The following ERN1 variants were observed in gnomAD, a reference collection of about 807,000 sequenced individuals.
ERN1 encodes endoplasmic reticulum to nucleus signaling 1, also known as serine/threonine-protein kinase/endoribonuclease IRE1.
In ERN1, 39 loss-of-function variants were observed where a neutral mutation model predicts 113.1. That is an observed-to-expected ratio of 0.34 (90% CI 0.27 to 0.45). The LOEUF (loss-of-function observed/expected upper bound fraction) is 0.45, where lower values mean the gene tolerates loss of function less well. Ranked by LOEUF, ERN1 falls within the 20% of genes least tolerant of loss-of-function variation. The pLI, the probability that ERN1 is intolerant of heterozygous loss-of-function variation, is 1.00. For synonymous variants in ERN1, 507 were observed against 515.9 expected (o/e 0.98, Z 0.23); for missense variants, 976 against 1,274.8 (o/e 0.77, Z 3.57).
At chr17:64,056,000 C>G in intron 12 of ERN1, 52 bp from the exon 13 acceptor site, 1 of 1,491,698 alleles carries the variant, frequency 6.7e-7, no homozygotes, top group Non-Finnish European at 8.9e-7. Context: ...CACAGGGAAA[C>G]AAGCAGCTGG....
intron 1 of ERN1, among the ~76,000 whole-genome samples, chr17:64,110,431 A>C (rs1914641708): frequency 6.6e-6 from 1 of 152,182 alleles, no homozygotes; most frequent in Non-Finnish European, 1.5e-5. Context: ...TCACCATGTT[A>C]TATAATAGAT....
intron 2 of ERN1, among the ~76,000 whole-genome samples, chr17:64,094,004 T>A (rs571244402): frequency 3.1e-4 from 47 of 152,306 alleles, no homozygotes; most frequent in African/African-American, 1.0e-3. Flanking sequence ...ATGCTAGCGG[T>A]CCTGTACAAC....
rs563003285 is a variant in ERN1, at chr17:64,072,816, G to T, written c.356-713C>A. On this transcript the variant is annotated intron_variant, in intron 5 of 21. Transcript: ENST00000433197. ...TATACCCAACAGCATCCTAGGAATG[G>T]AGAGTCTGTAGCAAGGGCCTCCAAT... Among the ~76,000 whole-genome samples the T allele has an allele frequency of 5.3e-5, 8 of 152,288 alleles. No homozygotes were observed. The South Asian group carries it at 1.7e-3, about 32-fold the overall frequency.
intron 1 of ERN1, among the ~76,000 whole-genome samples, chr17:64,103,496 CAAAAAAA>C: frequency 1.6e-5 from 1 of 62,302 alleles, no homozygotes; most frequent in African/African-American, 4.9e-5. Context: ...GACTCCATCT[CAAAAAAA>C]AAAAAAAAAA....
At chr17:64,053,084 C>A (rs1912739159) in intron 16 of ERN1, 105 bp from the exon 17 acceptor site, 1 of 1,008,700 alleles carries the variant, frequency 9.9e-7, no homozygotes. Context: ...CTGCCGCCAC[C>A]TCCAAATGTT....
Position 64,044,944 on chromosome 17 carries a change from G to A in ERN1, c.2654-17C>T, listed in dbSNP as rs1219185776. On this transcript the variant is annotated splice_polypyrimidine_tract_variant and intron_variant, in intron 20 of 21. Coordinates refer to ENST00000433197, the MANE Select transcript of ERN1 (RefSeq NM_001433.5). This position sits in a 1 kb window ranked among gnomAD's most constrained non-coding sequence, Gnocchi z 4.1. Reference sequence around the variant, plus strand: ...TACGCAGGTCTAGAAAAACATTGAGGGAAGCAATGGGTAATCAAATTTAAA... The same window carrying A: ...TACGCAGGTCTAGAAAAACATTGAGAGAAGCAATGGGTAATCAAATTTAAA... 9 of 1,533,458 alleles carry A rather than the reference G, an allele frequency of 5.9e-6. No individual in the cohort carries two copies. The highest frequency in any genetic ancestry group is 3.4e-4 in the Middle Eastern group (2 of 5,940). The allele number at this position is 1,533,458 out of a possible 1,614,324, so 95.0% of individuals were successfully genotyped here.
chr17:64,069,367 A>G (rs1913336459), intron 6 of ERN1, among the ~76,000 whole-genome samples: 1 of 152,212 alleles, frequency 6.6e-6, no homozygotes, highest in African/African-American at 2.4e-5. Flanking sequence ...GAACAGAGAC[A>G]GTCAAATTGA....
intron 1 of ERN1, among the ~76,000 whole-genome samples, chr17:64,125,816 T>A (rs1915066450): frequency 6.6e-6 from 1 of 152,084 alleles, no homozygotes; most frequent in African/African-American, 2.4e-5. Flanking sequence ...TTTACATGGA[T>A]GATGGTTTAC....
chr17:64,050,890 A>G (rs1912662377), intron 17 of ERN1, among the ~76,000 whole-genome samples: 1 of 152,178 alleles, frequency 6.6e-6, no homozygotes, highest in South Asian at 2.1e-4. Flanking sequence ...GCTGGATAAG[A>G]GGCAGCCATA....
chr17:64,086,181 T>C (rs1369251996), intron 2 of ERN1, among the ~76,000 whole-genome samples: 2 of 152,224 alleles, frequency 1.3e-5, no homozygotes, highest in Non-Finnish European at 2.9e-5. Flanking sequence ...GCAACCATTT[T>C]AAGTTTACAG....
intron 17 of ERN1, among the ~76,000 whole-genome samples, chr17:64,052,356 T>A (rs1449695427): frequency 6.6e-6 from 1 of 152,124 alleles, no homozygotes; most frequent in Non-Finnish European, 1.5e-5. Context: ...AGTGATTGAT[T>A]TAGCTGGGTG....
chr17:64,063,322 C>T lies in ERN1; in HGVS notation c.1087+664G>A, dbSNP rs74478995. 0.019 allele frequency among the ~76,000 whole-genome samples: 2,891 copies of T among 152,338 alleles called. 80 individuals are homozygous for T. The highest frequency in any genetic ancestry group is 0.065 in the African/African-American group (2,713 of 41,564). ...CCAGGAACACAGCTCTTCTCACTTCCGCCTTCGTTTGTCACACTCACTGCC... is the reference window on the plus strand; with the variant it reads ...CCAGGAACACAGCTCTTCTCACTTCTGCCTTCGTTTGTCACACTCACTGCC... On this transcript the variant is annotated intron_variant, in intron 10 of 21. Transcript: ENST00000433197. The surrounding 1 kb of genome is among the most constrained non-coding windows in gnomAD (Gnocchi z 5.1).
In ERN1 at chr17:64,063,738, A is replaced by C. The variant is rs536631516; in HGVS notation, c.1087+248T>G. 2.6e-5 allele frequency among the ~76,000 whole-genome samples: 4 copies of C among 152,340 alleles called. No individual in the cohort carries two copies. In the South Asian group the frequency reaches 6.2e-4, roughly 24 times the overall value. On this transcript the variant is annotated intron_variant, in intron 10 of 21. Transcript: ENST00000433197. The surrounding 1 kb of genome is among the most constrained non-coding windows in gnomAD (Gnocchi z 5.1). ...GGGCTTAATGTCGGATACTCACACA[A>C]GGTTTACATTAATTTAGTACCTGAG...
rs75868735 is a variant in ERN1 at position 64,092,942 on chromosome 17, C to T, written c.175+5179G>A. ...TGAGGTTTTAGAGAAAGACAGACTA[C>T]AGCTACAAAATCAGTGCTTAGAAGG... is the stretch of plus-strand genomic sequence containing the variant. On this transcript the variant is annotated intron_variant, in intron 2 of 21. Transcript: ENST00000433197. 6.3e-3 allele frequency among the ~76,000 whole-genome samples: 953 copies of T among 152,294 alleles called. 8 individuals are homozygous for T. The highest frequency in any genetic ancestry group is 0.022 in the African/African-American group (915 of 41,560).
rs577452924 is a variant in ERN1 at position 64,097,780 on chromosome 17, G to A, written c.175+341C>T. On this transcript the variant is annotated intron_variant, in intron 2 of 21. Coordinates refer to ENST00000433197, the MANE Select transcript of ERN1 (RefSeq NM_001433.5). Reference sequence around the variant, plus strand: ...TACCTTCTTGTAATTATGATTACAAGATTCTAATCATGAGAACAAATTTAG... The same window carrying A: ...TACCTTCTTGTAATTATGATTACAAAATTCTAATCATGAGAACAAATTTAG... 2.9e-5 allele frequency: 6 copies of A among 205,250 alleles called. No individual in the cohort carries two copies. In the South Asian group the frequency reaches 4.7e-4, roughly 16 times the overall value. The allele number at this position is 205,250 out of a possible 1,614,324, so 12.7% of individuals were successfully genotyped here. A position where few individuals can be genotyped will look rare whatever the true frequency, so the allele number is the denominator to read the frequency against.
chr17:64,057,896 G>C lies in ERN1; in HGVS notation c.1304C>G (p.Ala435Gly). The C allele has an allele frequency of 6.2e-7, 1 of 1,613,464 alleles. No individual in the cohort carries two copies. ...GTCCTTAAGCATGGAGTCCACGGGG[G>C]CCTCGGGCCGGGCAGGGGCATGGGC... ...KPAHAPARPE[A>G]PVDSMLKDMA... Residue 435 changes from alanine to glycine, a missense_variant, in exon 12 of 22, where the codon GCC (alanine) becomes GGC (glycine). Physicochemically the swap from Ala to Gly is moderately conservative, Grantham distance 60 (BLOSUM62 0). Around this residue, in one of 5 missense-constraint regions of ERN1, gnomAD observed 459 missense variants for 581.2 expected, o/e 0.79. Transcript: ENST00000433197.
intron 1 of ERN1, among the ~76,000 whole-genome samples, chr17:64,100,042 T>A (rs768004506): frequency 3.3e-5 from 5 of 152,148 alleles, no homozygotes; most frequent in Non-Finnish European, 7.4e-5. Context: ...CAGGAAAACA[T>A]AAGCCTCAAG....
intron 7 of ERN1, 187 bp from the exon 8 acceptor site, chr17:64,067,119 T>C (rs1913254332): frequency 1.6e-6 from 1 of 636,824 alleles, no homozygotes; most frequent in Non-Finnish European, 2.7e-6. Context: ...ATCAAGACAC[T>C]GAGAGCTGGC....
chr17:64,061,433 T>G (rs1913051208), intron 10 of ERN1, among the ~76,000 whole-genome samples: 1 of 152,216 alleles, frequency 6.6e-6, no homozygotes, highest in Admixed American at 6.5e-5. Flanking sequence ...CTTATGATCT[T>G]TCCATTGTTC....
Sources: gnomAD v4.1 joint callset for allele counts (sites outside exome capture counted in the v4.1 genomes callset) on GRCh38, gnomAD v4.1.1 for gene constraint, gnomAD v4.1.1 regional missense constraint, Gnocchi (gnomAD v3.1) non-coding constraint, MANE v1.5 for transcripts, NCBI Gene and HGNC (gene_info 2026-07-23, HGNC 2026-07-21) for gene names.